CELF4: variants seen among roughly 807,000 people sequenced by gnomAD.
CELF4 encodes the protein CUG-BP- and ETR-3-like factor 4.
In CELF4, 18 loss-of-function variants were observed where a neutral mutation model predicts 59.9. The ratio of observed to expected loss-of-function variants is 0.30; its 90% CI spans 0.21 to 0.45. The LOEUF (loss-of-function observed/expected upper bound fraction) is 0.45. Among genes scored for constraint, CELF4 ranks in the 20% least tolerant of loss-of-function variants. The pLI is 1.00. For synonymous variants in CELF4, 261 were observed against 267.1 expected, an observed-to-expected ratio of 0.98 and a Z score of 0.22; for missense variants, 456 against 689.0, an observed-to-expected ratio of 0.66 and a Z score of 3.79.
chr18:37,276,364 C>T (rs753964859), intron 3 of CELF4: 2 of 152,238 alleles, frequency 1.3e-5, no homozygotes, highest in African/African-American at 4.8e-5. Flanking sequence ...ATTCCTTCCC[C>T]TTGACTGCTC....
chr18:37,280,566 G>C (rs905360724), intron 3 of CELF4, among the ~76,000 whole-genome samples: 1 of 152,218 alleles, frequency 6.6e-6, no homozygotes, highest in Non-Finnish European at 1.5e-5. Context: ...GGCTAGAAGT[G>C]GGAGGAGAAA....
At chr18:37,452,387 G>A (rs1182251025) in intron 2 of CELF4, among the ~76,000 whole-genome samples, 1 of 152,106 alleles carries the variant, frequency 6.6e-6, no homozygotes, top group Non-Finnish European at 1.5e-5. Context: ...TCAGCTCTTG[G>A]TGGTCAAGCT....
At chr18:37,259,629 C>A (rs749699568) in intron 10 of CELF4, among the ~76,000 whole-genome samples, 1 of 152,136 alleles carries the variant, frequency 6.6e-6, no homozygotes, top group Non-Finnish European at 1.5e-5. Flanking sequence ...CCAGGAGATC[C>A]GGGAGGCCTC....
At chr18:37,417,447 T>A (rs1451723444) in intron 2 of CELF4, among the ~76,000 whole-genome samples, 6 of 152,220 alleles carry the variant, frequency 3.9e-5, no homozygotes, top group Non-Finnish European at 8.8e-5. Context: ...TCCCTTTCCC[T>A]ATGTTCAAGA....
In CELF4 at chr18:37,357,427, C is replaced by T. The variant is rs530147666; in HGVS notation, c.370-35546G>A. Among the ~76,000 whole-genome samples the T allele has an allele frequency of 4.6e-5, 7 of 152,354 alleles. No homozygotes were observed. In the East Asian group the frequency reaches 1.4e-3, roughly 29 times the overall value. On this transcript the variant is annotated intron_variant, in intron 2 of 12. Coordinates refer to ENST00000420428, the MANE Select transcript of CELF4 (RefSeq NM_020180.4). The stretch of plus-strand genomic sequence containing the variant: ...GTCAAGAATTGAGGTTTGGAAACCT[C>T]TGCCTAGATTTCAGAAGATGTATGG...
intron 1 of CELF4, among the ~76,000 whole-genome samples, chr18:37,555,904 A>T (rs1280368217): frequency 6.6e-6 from 1 of 152,100 alleles, no homozygotes; most frequent in Non-Finnish European, 1.5e-5. Flanking sequence ...TGGTGAATGT[A>T]TGTGTGTGTA....
intron 3 of CELF4, among the ~76,000 whole-genome samples, chr18:37,296,076 A>G (rs540614492): frequency 6.6e-6 from 1 of 152,082 alleles, no homozygotes; most frequent in East Asian, 1.9e-4. Flanking sequence ...CCCCACAAAA[A>G]TCCTCATTCC....
At chr18:37,259,019 G>T in intron 11 of CELF4, 162 bp downstream of exon 11, 1 of 1,032,104 alleles carries the variant, frequency 9.7e-7, no homozygotes, top group Non-Finnish European at 1.4e-6. Flanking sequence ...CTGGGGCGGG[G>T]GCAATGTGAA....
intron 2 of CELF4, among the ~76,000 whole-genome samples, chr18:37,452,326 G>A (rs540460851): frequency 9.2e-5 from 14 of 152,160 alleles, no homozygotes; most frequent in African/African-American, 3.1e-4. Context: ...GGCCAGGACT[G>A]TCATTTCTGC....
At chr18:37,549,079 G>C (rs1436006089) in intron 1 of CELF4, among the ~76,000 whole-genome samples, 1 of 152,206 alleles carries the variant, frequency 6.6e-6, no homozygotes, top group Non-Finnish European at 1.5e-5. Flanking sequence ...TCCCAGAGCT[G>C]GTCCTGATTA....
intron 3 of CELF4, among the ~76,000 whole-genome samples, chr18:37,277,042 G>A (rs886305951): frequency 6.6e-6 from 1 of 152,194 alleles, no homozygotes; most frequent in African/African-American, 2.4e-5. Context: ...TTAGAGCTGA[G>A]GGTCTGTCCC....
chr18:37,424,437 AAGG>A (rs1428006864), intron 2 of CELF4, among the ~76,000 whole-genome samples: 2 of 152,182 alleles, frequency 1.3e-5, no homozygotes, highest in South Asian at 2.1e-4. Context: ...CAGAGAGCAG[AAGG>A]AGGAGAAGGA....
intron 8 of CELF4, among the ~76,000 whole-genome samples, chr18:37,269,582 A>G (rs1396366429): frequency 1.3e-5 from 2 of 152,180 alleles, no homozygotes; most frequent in African/African-American, 2.4e-5. Context: ...GTGTGTGCCA[A>G]TCTCCTTACC....
intron 2 of CELF4, among the ~76,000 whole-genome samples, chr18:37,370,784 G>A (rs747150421): frequency 1.3e-5 from 2 of 152,180 alleles, no homozygotes; most frequent in East Asian, 1.9e-4. Context: ...CAAATGTCAC[G>A]TGTCAATCAT....
intron 2 of CELF4, among the ~76,000 whole-genome samples, chr18:37,438,948 T>C (rs909743369): frequency 6.6e-6 from 1 of 152,176 alleles, no homozygotes; most frequent in Non-Finnish European, 1.5e-5. Flanking sequence ...GATGGCAATA[T>C]TTCCAGATGG....
At chr18:37,441,696 C>G (rs994856151) in intron 2 of CELF4, among the ~76,000 whole-genome samples, 1 of 152,068 alleles carries the variant, frequency 6.6e-6, no homozygotes, top group East Asian at 1.9e-4. Flanking sequence ...GCATATTAAA[C>G]AGAAGGGGAC....
chr18:37,487,921 A>G (rs1169578944), intron 1 of CELF4, among the ~76,000 whole-genome samples: 1 of 152,092 alleles, frequency 6.6e-6, no homozygotes, highest in Non-Finnish European at 1.5e-5. Flanking sequence ...TTGTGAACCA[A>G]AATCTTTCAG....
At chr18:37,447,215 C>A (rs949212798) in intron 2 of CELF4, among the ~76,000 whole-genome samples, 3 of 152,250 alleles carry the variant, frequency 2.0e-5, no homozygotes, top group Non-Finnish European at 4.4e-5. Flanking sequence ...AAGCCAATCA[C>A]CAAACACTTG....
intron 2 of CELF4, among the ~76,000 whole-genome samples, chr18:37,403,751 A>G (rs1308553447): frequency 6.6e-6 from 1 of 152,188 alleles, no homozygotes; most frequent in Non-Finnish European, 1.5e-5. Flanking sequence ...CGGAGTTTAC[A>G]TAGCGCACAT....
Sources: allele counts gnomAD v4.1 joint callset (sites outside exome capture counted in the v4.1 genomes callset), GRCh38; gene constraint gnomAD v4.1.1; transcripts MANE v1.5; gene names NCBI Gene and HGNC (gene_info 2026-07-23, HGNC 2026-07-21).